MUC17: variants seen among roughly 807,000 people sequenced by gnomAD.
The protein encoded by MUC17 is mucin 17, cell surface associated.
Under a neutral mutation model 170.3 loss-of-function variants are expected in MUC17, and 190 were observed. That is an observed-to-expected ratio of 1.12 (90% CI 0.99 to 1.26). The LOEUF is 1.26. MUC17 is among the 50% of genes most tolerant of loss of function. The pLI is 0.00. For synonymous variants in MUC17, 2,325 were observed against 2,002.5 expected (o/e 1.16, Z -4.30); for missense variants, 6,415 against 5,530.0 (o/e 1.16, Z -5.08).
chr7:101,041,473 G>T lies in MUC17; in HGVS notation c.10057G>T (p.Val3353Phe). The T allele has an allele frequency of 6.2e-7, 1 of 1,613,946 alleles. No individual in the cohort carries two copies. The highest frequency in any genetic ancestry group is 8.5e-7 in the Non-Finnish European group (1 of 1,179,986). ...TNMSFSTTPV[V>F]SSEASTLSTT... ...TATGTCTTTCAGCACCACGCCAGTG[G>T]TCAGTTCTGAGGCTAGCACCCTTTC... Residue 3353 changes from valine to phenylalanine, a missense_variant, in exon 3 of 13, where the codon GTC becomes TTC. By Grantham distance (50) the Val-to-Phe change is conservative. Coordinates refer to ENST00000306151, the MANE Select transcript of MUC17 (RefSeq NM_001040105.2).
chr7:101,047,085 A>T lies in MUC17; in HGVS notation c.12404-899A>T, dbSNP rs1794855726. Reference sequence around the variant, plus strand: ...GACAGAGCAAGACTCCGTCTCAAAAAAAAAAAATTAAAATAAATAAATAAA... The same window carrying T: ...GACAGAGCAAGACTCCGTCTCAAAATAAAAAAATTAAAATAAATAAATAAA... On this transcript the variant is annotated intron_variant, in intron 3 of 12. Coordinates refer to ENST00000306151, the MANE Select transcript of MUC17 (RefSeq NM_001040105.2). Among the ~76,000 whole-genome samples, 5 of 150,236 alleles carry T rather than the reference A, an allele frequency of 3.3e-5. No homozygotes were observed. In the South Asian group the frequency reaches 1.0e-3, roughly 31 times the overall value.
At position 101,042,992 on chromosome 7, in the gene MUC17, C is replaced by T; in HGVS notation, c.11576C>T (p.Ala3859Val). The change falls in exon 3 of 13, where the codon GCT (alanine) becomes GTT (valine). Residue 3859 changes from alanine (A) to valine (V), a missense_variant. Physicochemically the swap from Ala to Val is moderately conservative, Grantham distance 64 (BLOSUM62 0). Transcript: ENST00000306151. ...AAAGCCGGTTCATTCTCCATACCTG[C>T]TGAAGTCACTACCATACGTATTTCA... The part of the protein sequence containing the change: ...STKAGSFSIP[A>V]EVTTIRISIT... 6.2e-7 allele frequency: 1 copy of T among 1,614,192 alleles called. No individual in the cohort carries two copies. Among genetic ancestry groups the T allele is most frequent in the Non-Finnish European group, 8.5e-7 (1 of 1,180,042 alleles).
Position 101,036,759 on chromosome 7 carries a change from C to T in MUC17, c.5343C>T (p.Thr1781=). 1 of 1,612,580 alleles carries T rather than the reference C, an allele frequency of 6.2e-7. No individual in the cohort carries two copies. The change falls in exon 3 of 13, where the codon ACC becomes ACT. Residue 1781 remains threonine (T), a synonymous_variant. Coordinates refer to ENST00000306151, the MANE Select transcript of MUC17 (RefSeq NM_001040105.2). Reference sequence around the variant, plus strand: ...CTATTGACACCAGCACCCCTGTGACCACTTCTACTGAAGCCACTTCGTCTC... The same window carrying T: ...CTATTGACACCAGCACCCCTGTGACTACTTCTACTGAAGCCACTTCGTCTC... ...ATPIDTSTPV[T]TSTEATSSPT...
intron 9 of MUC17, 24 bp from the exon 10 acceptor site, chr7:101,052,962 C>T: frequency 1.2e-6 from 2 of 1,603,882 alleles, no homozygotes; most frequent in Non-Finnish European, 1.7e-6. Context: ...CTCTCCCCAA[C>T]CTGCCGCTTC....
In MUC17 at chr7:101,051,796, C is replaced by A. The variant is rs766374890; in HGVS notation, c.12944-7C>A. On this transcript the variant is annotated splice_polypyrimidine_tract_variant and splice_region_variant and intron_variant, in intron 8 of 12. Coordinates refer to ENST00000306151, the MANE Select transcript of MUC17 (RefSeq NM_001040105.2). ...CGGCTGTTCCCTGTCCCTGCACCCC[C>A]CACCAGAGGACTGCCGGAAGATGGC... is the stretch of plus-strand genomic sequence containing the variant. The A allele has an allele frequency of 1.2e-6, 2 of 1,612,560 alleles. No homozygotes were observed. Among genetic ancestry groups the A allele is most frequent in the African/African-American group, 1.3e-5 (1 of 74,924 alleles).
rs543338104 is a variant in MUC17 at position 101,036,238 on chromosome 7, A to C, written c.4822A>C (p.Thr1608Pro). ...CTCCAAAACTCAGGTGACCGCTTCT[A>C]CTGAAGCCAGTTCATCTACAACCGC... ...IDSKTQVTAS[T>P]EASSSTTAEG... Residue 1608 changes from threonine to proline, a missense_variant, in exon 3 of 13, where the codon ACT becomes CCT. By Grantham distance (38) the Thr-to-Pro change is conservative (BLOSUM62 -1). Transcript: ENST00000306151. 1 of 1,613,834 alleles carries C rather than the reference A, an allele frequency of 6.2e-7. No homozygotes were observed. The highest frequency in any genetic ancestry group is 1.3e-5 in the African/African-American group (1 of 74,832).
In MUC17 at chr7:101,035,702, C is replaced by T; in HGVS notation, c.4286C>T (p.Thr1429Ile). The T allele has an allele frequency of 6.2e-7, 1 of 1,609,064 alleles. No homozygotes were observed. ...TPVDTSTPGT[T>I]SAEATSSPTT... ...GTTGACACCAGCACCCCTGGGACCA[C>T]TTCTGCTGAAGCCACTTCATCTCCT... Residue 1429 changes from threonine to isoleucine, a missense_variant, in exon 3 of 13, where the codon ACT becomes ATT. Transcript: ENST00000306151.
rs778581388 is a variant in MUC17, at chr7:101,052,968, G to A, written c.13104-18G>A. The stretch of plus-strand genomic sequence containing the variant: ...CTCCGTTCTCTCTCCCCAACCTGCC[G>A]CTTCTCTCCCATCTCAGCTGCGTGA... On this transcript the variant is annotated intron_variant, in intron 9 of 12. Coordinates refer to ENST00000306151, the MANE Select transcript of MUC17 (RefSeq NM_001040105.2). 6.2e-6 allele frequency: 10 copies of A among 1,606,454 alleles called. No homozygotes were observed. The highest frequency in any genetic ancestry group is 2.2e-5 in the South Asian group (2 of 90,230).
rs139777342 is a variant in MUC17, at chr7:101,055,453, T to C, written c.13364-741T>C. On this transcript the variant is annotated intron_variant, in intron 11 of 12. Coordinates refer to ENST00000306151, the MANE Select transcript of MUC17 (RefSeq NM_001040105.2). The stretch of plus-strand genomic sequence containing the variant: ...TTACTAGGTATAAAAATGATCAATA[T>C]TAGGAAATGGCTTACTCTGTTAGAC... Among the ~76,000 whole-genome samples, 4 of 152,256 alleles carry C rather than the reference T, an allele frequency of 2.6e-5. No homozygotes were observed. The East Asian group carries it at 7.7e-4, about 29-fold the overall frequency.
Position 101,058,504 on chromosome 7 carries a change from G to A in MUC17, c.*460G>A, listed in dbSNP as rs530904614. On this transcript the variant is annotated 3_prime_UTR_variant, in exon 13 of 13. Transcript: ENST00000306151. ...CCACGCTTCAGTCAAAGGCATACAAGTATCTATCTGGACTTCCCTGCTAGC... is the reference window on the plus strand; with the variant it reads ...CCACGCTTCAGTCAAAGGCATACAAATATCTATCTGGACTTCCCTGCTAGC... The A allele has an allele frequency of 1.0e-4, 16 of 153,780 alleles. No homozygotes were observed. The highest frequency in any genetic ancestry group is 3.4e-3 in the Middle Eastern group (1 of 298). 9.5% of individuals were successfully genotyped at this position (153,780 alleles called of 1,614,324 possible).
Position 101,039,928 on chromosome 7 carries a change from AGC to A in MUC17, c.8513_8514del (p.Ser2838AsnfsTer8), listed in dbSNP as rs1794633784. 6.2e-7 allele frequency: 1 copy of A among 1,613,510 alleles called. No homozygotes were observed. The highest frequency in any genetic ancestry group is 1.7e-5 in the Admixed American group (1 of 59,796). The stretch of plus-strand genomic sequence containing the variant: ...CCTTTCAACAACTCCTGTTGACACC[AGC>A]ACACCTGTGACCACTTCTACTAAAG... The part of the protein sequence containing the change: ...GTLSTTPVDT[S>X]TPVTTSTKAS... On this transcript the variant is annotated frameshift_variant, in exon 3 of 13. Coordinates refer to ENST00000306151, the MANE Select transcript of MUC17 (RefSeq NM_001040105.2). LOFTEE classifies it high-confidence loss of function.
In MUC17 at chr7:101,043,364, C is replaced by T. The variant is rs1451596257; in HGVS notation, c.11948C>T (p.Thr3983Ile). The change falls in exon 3 of 13, where the codon ACA becomes ATA. Residue 3983 changes from threonine (T) to isoleucine (I), a missense_variant. Transcript: ENST00000306151. ...TCAACCTCCAGTAGTAGTACCACCACATCTTTTTCAACTACTAAGGAATTT... is the reference window on the plus strand; with the variant it reads ...TCAACCTCCAGTAGTAGTACCACCATATCTTTTTCAACTACTAAGGAATTT... Reference protein sequence around the residue: ...TPSTSSSSTTTSFSTTKEFTT... With the variant: ...TPSTSSSSTTISFSTTKEFTT... The T allele has an allele frequency of 6.2e-7, 1 of 1,614,084 alleles. No homozygotes were observed. The highest frequency in any genetic ancestry group is 8.5e-7 in the Non-Finnish European group (1 of 1,180,058).
intron 11 of MUC17, among the ~76,000 whole-genome samples, chr7:101,055,675 C>T (rs1795032935): frequency 6.6e-6 from 1 of 152,120 alleles, no homozygotes; most frequent in Admixed American, 6.6e-5. Context: ...CAATACAGAA[C>T]ACCACATTCA....
intron 9 of MUC17, 72 bp downstream of exon 9, chr7:101,052,034 C>CTG: frequency 6.6e-7 from 1 of 1,524,462 alleles, no homozygotes; most frequent in South Asian, 1.2e-5. Context: ...GGGCTTCACC[C>CTG]CAGGCATTGC....
chr7:101,041,640 C>A lies in MUC17; in HGVS notation c.10224C>A (p.Thr3408=), dbSNP rs757235230. 25 of 1,614,010 alleles carry A rather than the reference C, an allele frequency of 1.5e-5. No homozygotes were observed. The highest frequency in any genetic ancestry group is 1.8e-5 in the Non-Finnish European group (21 of 1,179,914). Residue 3408 remains threonine, a synonymous_variant, in exon 3 of 13, where the codon ACC becomes ACA. Transcript: ENST00000306151. ...TTPLASMPVS[T]TPVVSSEVNT... is the part of the protein sequence containing the mutation. Reference sequence around the variant, plus strand: ...CATTAGCAAGTATGCCTGTCAGCACCACGCCGGTGGTCAGTTCTGAGGTTA... The same window carrying A: ...CATTAGCAAGTATGCCTGTCAGCACAACGCCGGTGGTCAGTTCTGAGGTTA...
chr7:101,052,779 T>C (rs918610863), intron 9 of MUC17, among the ~76,000 whole-genome samples: 6 of 152,110 alleles, frequency 3.9e-5, no homozygotes. Flanking sequence ...TCTAAAAGCT[T>C]GGAGTGGGAA....
At position 101,038,382 on chromosome 7, in the gene MUC17, T is replaced by C. The variant is rs919361832; in HGVS notation, c.6966T>C (p.Thr2322=). ...TSTEASSPPP[T]AEGTSMPTST... ...CTGAAGCCAGTTCACCTCCTCCCAC[T>C]GCTGAAGGTACCAGCATGCCAACCT... is the stretch of plus-strand genomic sequence containing the variant. The change falls in exon 3 of 13, where the codon ACT becomes ACC. Residue 2322 remains threonine (T), a synonymous_variant. Transcript: ENST00000306151. 8 of 1,613,778 alleles carry C rather than the reference T, an allele frequency of 5.0e-6. No homozygotes were observed. Among genetic ancestry groups the C allele is most frequent in the Non-Finnish European group, 3.4e-6 (4 of 1,179,964 alleles).
Position 101,031,858 on chromosome 7 carries a change from C to T in MUC17, c.442C>T (p.Pro148Ser). Residue 148 changes from proline to serine, a missense_variant, in exon 3 of 13, where the codon CCC becomes TCC. Coordinates refer to ENST00000306151, the MANE Select transcript of MUC17 (RefSeq NM_001040105.2). ...TACAACTCCTGAAGGCACCGACGTG[C>T]CCATGTCAACACCAAGTGAAGAAAG... ...SPTTPEGTDVPMSTPSEESIS... is the reference protein window; with the variant it reads ...SPTTPEGTDVSMSTPSEESIS... The T allele has an allele frequency of 1.9e-6, 3 of 1,614,214 alleles. No homozygotes were observed. Among genetic ancestry groups the T allele is most frequent in the Non-Finnish European group, 2.5e-6 (3 of 1,180,028 alleles).
At chr7:101,026,589 C>A (rs1317556949) in intron 1 of MUC17, among the ~76,000 whole-genome samples, 1 of 152,116 alleles carries the variant, frequency 6.6e-6, no homozygotes, top group Non-Finnish European at 1.5e-5. Flanking sequence ...TCAAAGATTT[C>A]TTGTGGTTTT....
Sources: gnomAD v4.1 joint callset for allele counts (sites outside exome capture counted in the v4.1 genomes callset) on GRCh38, gnomAD v4.1.1 for gene constraint, MANE v1.5 for transcripts, NCBI Gene and HGNC (gene_info 2026-07-23, HGNC 2026-07-21) for gene names.